Variants in SMC3 observed in about 807,000 individuals in gnomAD.
SMC3 encodes structural maintenance of chromosomes 3.
A neutral mutation model predicts 171.8 loss-of-function variants in SMC3; 20 were observed. The ratio of observed to expected loss-of-function variants is 0.12; its 90% CI spans 0.08 to 0.17. SMC3 has a LOEUF of 0.17. Among genes scored for constraint, SMC3 ranks in the 10% least tolerant of loss-of-function variants. The probability of loss-of-function intolerance (pLI) is 1.00; values close to 1 mark genes in which losing one functional copy is unlikely to be tolerated. For missense variants in SMC3, 543 were observed against 1,420.4 expected, an observed-to-expected ratio of 0.38 and a Z score of 9.93; for synonymous variants, 464 against 451.1, an observed-to-expected ratio of 1.03 and a Z score of -0.36.
At chr10:110,598,593 A>T (rs755979203) in intron 20 of SMC3, among the ~76,000 whole-genome samples, 1 of 152,130 alleles carries the variant, frequency 6.6e-6, no homozygotes, top group Admixed American at 6.5e-5. Flanking sequence ...TTTAGTAGAC[A>T]TGGGGTTTCA....
At chr10:110,592,308 G>C (rs951199330) in intron 17 of SMC3, among the ~76,000 whole-genome samples, 10 of 151,972 alleles carry the variant, frequency 6.6e-5, no homozygotes, top group African/African-American at 2.4e-4. Context: ...GCAAGGAAGT[G>C]ATTAGCACAG....
intron 9 of SMC3, 32 bp downstream of exon 9, chr10:110,582,130 G>T: frequency 6.4e-7 from 1 of 1,568,242 alleles, no homozygotes; most frequent in Non-Finnish European, 8.8e-7. Flanking sequence ...CTTAAAATCA[G>T]ATTAATTTTG....
intron 28 of SMC3, among the ~76,000 whole-genome samples, 195 bp from the exon 29 acceptor site, chr10:110,604,036 A>G (rs1378654919): frequency 7.1e-6 from 1 of 140,258 alleles, no homozygotes; most frequent in Non-Finnish European, 1.5e-5. Flanking sequence ...CGGAGGTAGC[A>G]GTGAGCCAAG....
At chr10:110,600,994 C>G in intron 22 of SMC3, 28 bp from the exon 23 acceptor site, 1 of 1,535,960 alleles carries the variant, frequency 6.5e-7, no homozygotes, top group South Asian at 1.1e-5. Flanking sequence ...ACATTTGAAA[C>G]TAATGGAATT....
In SMC3 at chr10:110,581,911, ATTTCT is replaced by A; in HGVS notation, c.548-8_548-4del. On this transcript the variant is annotated splice_region_variant and splice_polypyrimidine_tract_variant and intron_variant, in intron 8 of 28. Transcript: ENST00000361804. ...ATTCAATTCTTCCACCTCTCTCCCC[ATTTCT>A]TTTAAGAGGGCAAACGGGAAAAAAT... 6.2e-7 allele frequency: 1 copy of A among 1,603,864 alleles called. No individual in the cohort carries two copies. Among genetic ancestry groups the A allele is most frequent in the Non-Finnish European group, 8.5e-7 (1 of 1,171,830 alleles).
At chr10:110,583,732 A>G (rs1474815506) in intron 11 of SMC3, 109 bp from the exon 12 acceptor site, 8 of 1,302,764 alleles carry the variant, frequency 6.1e-6, no homozygotes, top group Non-Finnish European at 8.7e-6. Context: ...AAAGAGTTTC[A>G]TGTTACAGGT....
chr10:110,580,260 A>G (rs978554246), intron 7 of SMC3, among the ~76,000 whole-genome samples: 21 of 152,172 alleles, frequency 1.4e-4, no homozygotes, highest in Non-Finnish European at 1.9e-4. Context: ...ACCAATCCCC[A>G]TGGAAACTGA....
At chr10:110,593,804 T>G (rs1861248622) in intron 18 of SMC3, among the ~76,000 whole-genome samples, 1 of 151,522 alleles carries the variant, frequency 6.6e-6, no homozygotes, top group South Asian at 2.1e-4. Flanking sequence ...CTAGCCAACA[T>G]GGTGAAACCC....
chr10:110,598,110 T>G, intron 19 of SMC3, 29 bp from the exon 20 acceptor site: 2 of 1,603,088 alleles, frequency 1.2e-6, no homozygotes, highest in Non-Finnish European at 1.7e-6. Context: ...ATTTACAACC[T>G]GGAGATAATT....
chr10:110,592,298 G>A (rs1171136743), intron 17 of SMC3, among the ~76,000 whole-genome samples: 1 of 151,936 alleles, frequency 6.6e-6, no homozygotes, highest in Non-Finnish European at 1.5e-5. Context: ...ACTGGGAAGT[G>A]CAAGGAAGTG....
At chr10:110,593,253 A>G in intron 18 of SMC3, 30 bp downstream of exon 18, 1 of 1,603,248 alleles carries the variant, frequency 6.2e-7, no homozygotes, top group African/African-American at 1.3e-5. Context: ...AGCTTTAAAC[A>G]GATAAATTCT....
intron 13 of SMC3, among the ~76,000 whole-genome samples, chr10:110,586,914 C>A (rs1861127371): frequency 6.6e-6 from 1 of 152,174 alleles, no homozygotes; most frequent in Non-Finnish European, 1.5e-5. Flanking sequence ...ACCTGAGCCT[C>A]CCAAAGTGCT....
At chr10:110,585,998 G>C (rs942443777) in intron 13 of SMC3, among the ~76,000 whole-genome samples, 1 of 151,988 alleles carries the variant, frequency 6.6e-6, no homozygotes, top group East Asian at 1.9e-4. Context: ...GCGTTTCACT[G>C]TGTTAGCCAG....
chr10:110,601,938 T>G (rs781449779), intron 24 of SMC3, 28 bp from the exon 25 acceptor site: 1 of 1,608,624 alleles, frequency 6.2e-7, no homozygotes, highest in South Asian at 1.1e-5. Flanking sequence ...TAAATTTATT[T>G]ATATGAATAC....
At chr10:110,589,421 C>T (rs561112102) in intron 13 of SMC3, among the ~76,000 whole-genome samples, 184 bp from the exon 14 acceptor site, 1 of 152,200 alleles carries the variant, frequency 6.6e-6, no homozygotes, top group East Asian at 1.9e-4. Context: ...ACAGTTAAGA[C>T]ACCACACACC....
Position 110,573,688 on chromosome 10 carries a change from A to G in SMC3, c.92-19A>G, listed in dbSNP as rs140102981. On this transcript the variant is annotated intron_variant, in intron 2 of 28. Coordinates refer to ENST00000361804, the MANE Select transcript of SMC3 (RefSeq NM_005445.4). ...TTGGTTTTTATGTAAAATAACTTGTACTTTTTGAAATTTTCCAGTGGGCAG... is the reference window on the plus strand; with the variant it reads ...TTGGTTTTTATGTAAAATAACTTGTGCTTTTTGAAATTTTCCAGTGGGCAG... The G allele has an allele frequency of 2.9e-3, 4,476 of 1,551,154 alleles. 24 individuals carry two copies. The highest frequency in any genetic ancestry group is 3.0e-3 in the Non-Finnish European group (3,332 of 1,124,760).
intron 13 of SMC3, among the ~76,000 whole-genome samples, chr10:110,587,568 G>A (rs763302566): frequency 1.3e-5 from 2 of 151,874 alleles, no homozygotes; most frequent in Non-Finnish European, 2.9e-5. Flanking sequence ...CGCCTGTAGT[G>A]CCAGCTACTC....
At chr10:110,596,659 T>A in intron 19 of SMC3, 109 bp downstream of exon 19, 1 of 1,025,182 alleles carries the variant, frequency 9.8e-7, no homozygotes, top group Non-Finnish European at 1.4e-6. Context: ...TCTTGTGTTT[T>A]AAGTTCAAGA....
intron 2 of SMC3, among the ~76,000 whole-genome samples, chr10:110,571,549 G>A (rs759209335): frequency 2.0e-5 from 3 of 152,166 alleles, no homozygotes; most frequent in Non-Finnish European, 4.4e-5. Context: ...ACTAACACCC[G>A]GAAGTAGTCA....
Sources: gnomAD v4.1 joint callset for allele counts (sites outside exome capture counted in the v4.1 genomes callset) on GRCh38, gnomAD v4.1.1 for gene constraint, MANE v1.5 for transcripts, NCBI Gene and HGNC (gene_info 2026-07-23, HGNC 2026-07-21) for gene names.